MAD1L1: variants seen among roughly 807,000 people sequenced by gnomAD.
MAD1L1 encodes mitotic arrest deficient 1 like 1, also known as mitotic spindle assembly checkpoint protein MAD1.
Under a neutral mutation model 96.9 loss-of-function variants are expected in MAD1L1, and 95 were observed. The ratio of observed to expected loss-of-function variants is 0.98; its 90% CI spans 0.83 to 1.16. The LOEUF (loss-of-function observed/expected upper bound fraction) is 1.16, where lower values mean the gene tolerates loss of function less well. MAD1L1 is among the 50% of genes most tolerant of loss of function. The pLI is 0.00. For missense variants in MAD1L1, 1,007 were observed against 954.4 expected, an observed-to-expected ratio of 1.06 and a Z score of -0.73; for synonymous variants, 473 against 396.6, an observed-to-expected ratio of 1.19 and a Z score of -2.29.
intron 14 of MAD1L1, among the ~76,000 whole-genome samples, chr7:2,000,255 A>G (rs1006336360): frequency 1.3e-5 from 2 of 151,900 alleles, no homozygotes; most frequent in African/African-American, 4.8e-5. Flanking sequence ...CCTTCAACGC[A>G]GCGGACTCGG....
At chr7:2,069,812 C>G (rs1255765048) in intron 11 of MAD1L1, among the ~76,000 whole-genome samples, 1 of 152,236 alleles carries the variant, frequency 6.6e-6, no homozygotes, top group African/African-American at 2.4e-5. Flanking sequence ...TCCTGTGGGC[C>G]GACGCCAGAG....
intron 10 of MAD1L1, among the ~76,000 whole-genome samples, chr7:2,181,352 T>G (rs1791190819): frequency 6.6e-6 from 1 of 152,264 alleles, no homozygotes; most frequent in Non-Finnish European, 1.5e-5. Flanking sequence ...CTGTAATGTT[T>G]GTGTCTCTGT....
At chr7:1,887,356 C>G (rs560642561) in intron 18 of MAD1L1, among the ~76,000 whole-genome samples, 1 of 147,330 alleles carries the variant, frequency 6.8e-6, no homozygotes, top group African/African-American at 2.5e-5. Flanking sequence ...TGTGAGCATG[C>G]ATGTGTGTGG....
At position 1,921,214 on chromosome 7, in the gene MAD1L1, C is replaced by T. The variant is rs886164746; in HGVS notation, c.1807+15473G>A. Reference sequence around the variant, plus strand: ...GCGCCCTTCCCTGCTCAGACACAGACGCTGGAAAGCCAAAGATTCTTCCAC... The same window carrying T: ...GCGCCCTTCCCTGCTCAGACACAGATGCTGGAAAGCCAAAGATTCTTCCAC... On this transcript the variant is annotated intron_variant, in intron 17 of 18. Transcript: ENST00000265854. 6.6e-5 allele frequency among the ~76,000 whole-genome samples: 10 copies of T among 152,340 alleles called. No homozygotes were observed. In the East Asian group the frequency reaches 1.5e-3, roughly 23 times the overall value.
At chr7:1,906,795 T>C (rs1443896910) in intron 17 of MAD1L1, among the ~76,000 whole-genome samples, 1 of 152,212 alleles carries the variant, frequency 6.6e-6, no homozygotes, top group East Asian at 1.9e-4. Context: ...CCTACAGACC[T>C]GAGCTCCTGC....
chr7:1,822,726 C>G, intron 18 of MAD1L1, among the ~76,000 whole-genome samples: 1 of 131,418 alleles, frequency 7.6e-6, no homozygotes, highest in Non-Finnish European at 1.6e-5. Context: ...GCCCGGCCAG[C>G]ATTTTTTTTT....
At chr7:2,102,537 C>A (rs1360582401) in intron 11 of MAD1L1, among the ~76,000 whole-genome samples, 1 of 152,004 alleles carries the variant, frequency 6.6e-6, no homozygotes, top group Non-Finnish European at 1.5e-5. Flanking sequence ...TCACCATCAC[C>A]ACCACCGTCA....
intron 14 of MAD1L1, among the ~76,000 whole-genome samples, chr7:1,997,468 T>A (rs1781607368): frequency 6.6e-6 from 1 of 152,218 alleles, no homozygotes; most frequent in Non-Finnish European, 1.5e-5. Flanking sequence ...CACAGGGAAC[T>A]GGGTGGGAGG....
intron 17 of MAD1L1, among the ~76,000 whole-genome samples, chr7:1,918,899 C>A (rs1210272213): frequency 6.7e-6 from 1 of 149,908 alleles, no homozygotes; most frequent in Non-Finnish European, 1.5e-5. Flanking sequence ...CTCTACAGGG[C>A]GCCTCAATGA....
At chr7:2,120,227 T>C (rs1447113940) in intron 11 of MAD1L1, among the ~76,000 whole-genome samples, 1 of 152,202 alleles carries the variant, frequency 6.6e-6, no homozygotes, top group African/African-American at 2.4e-5. Context: ...GACCATTCCT[T>C]ACAGACTGGC....
intron 10 of MAD1L1, among the ~76,000 whole-genome samples, chr7:2,166,093 G>A (rs776578319): frequency 2.0e-5 from 3 of 152,298 alleles, no homozygotes; most frequent in Admixed American, 6.5e-5. Context: ...AGAACAGGCC[G>A]CCAGCAGCAA....
chr7:2,173,606 G>C (rs1790813655), intron 10 of MAD1L1, among the ~76,000 whole-genome samples: 1 of 152,154 alleles, frequency 6.6e-6, no homozygotes, highest in Non-Finnish European at 1.5e-5. Flanking sequence ...TCTCGTCTTT[G>C]GGGAGACTTT....
At chr7:2,123,678 G>A (rs1015994986) in intron 11 of MAD1L1, among the ~76,000 whole-genome samples, 1 of 152,228 alleles carries the variant, frequency 6.6e-6, no homozygotes, top group African/African-American at 2.4e-5. Flanking sequence ...CAGGAAGCGA[G>A]TCGGAGGCAA....
At chr7:1,881,755 G>C (rs753886496) in intron 18 of MAD1L1, among the ~76,000 whole-genome samples, 1 of 152,224 alleles carries the variant, frequency 6.6e-6, no homozygotes, top group Non-Finnish European at 1.5e-5. Context: ...TGAAGATGTG[G>C]GGAGGCAGAG....
At chr7:1,967,536 G>A (rs1280440651) in intron 15 of MAD1L1, among the ~76,000 whole-genome samples, 3 of 152,202 alleles carry the variant, frequency 2.0e-5, no homozygotes, top group Admixed American at 6.5e-5. Flanking sequence ...GGCAGCTGGC[G>A]GGAGGGTGTA....
At chr7:1,990,391 C>A (rs576570164) in intron 14 of MAD1L1, among the ~76,000 whole-genome samples, 1 of 152,348 alleles carries the variant, frequency 6.6e-6, no homozygotes, top group South Asian at 2.1e-4. Context: ...GTGGCTGTGG[C>A]TTCCTAAGGA....
intron 12 of MAD1L1, among the ~76,000 whole-genome samples, chr7:2,045,303 C>T (rs1457997094): frequency 6.6e-6 from 1 of 152,114 alleles, no homozygotes; most frequent in Non-Finnish European, 1.5e-5. Context: ...CCGTGAGATA[C>T]CCCACGTCCC....
At chr7:1,966,018 G>A (rs568174907) in intron 15 of MAD1L1, among the ~76,000 whole-genome samples, 180 of 152,340 alleles carry the variant, frequency 1.2e-3, no homozygotes, top group African/African-American at 3.8e-3. Context: ...TGAAGCCGGT[G>A]AGAGCTGAGG....
intron 12 of MAD1L1, among the ~76,000 whole-genome samples, chr7:2,041,965 G>A (rs1222553087): frequency 1.3e-5 from 2 of 152,122 alleles, no homozygotes; most frequent in Non-Finnish European, 2.9e-5. Flanking sequence ...ACCCAGCCAA[G>A]GCCAGAGAGA....
Sources: allele counts gnomAD v4.1 joint callset (sites outside exome capture counted in the v4.1 genomes callset), GRCh38; gene constraint gnomAD v4.1.1; transcripts MANE v1.5; gene names NCBI Gene and HGNC (gene_info 2026-07-23, HGNC 2026-07-21).